EXOSC6: variants seen among roughly 807,000 people sequenced by gnomAD.
EXOSC6 encodes exosome complex component MTR3.
In EXOSC6, 21 loss-of-function variants were observed where a neutral mutation model predicts 16.7. The observed-to-expected ratio is 1.26, with a 90% confidence interval of 0.89 to 1.82. EXOSC6 has a LOEUF of 1.82. Ranked by LOEUF, EXOSC6 falls within the 40% of genes most tolerant of loss-of-function variation. The pLI is 0.00. For missense variants in EXOSC6, 538 were observed against 415.7 expected, an observed-to-expected ratio of 1.29 and a Z score of -2.56; for synonymous variants, 297 against 217.1, an observed-to-expected ratio of 1.37 and a Z score of -3.24.
In EXOSC6 at chr16:70,251,088, C is replaced by CTGGGCGGCGGCGCCCCTGCGG; in HGVS notation, c.792_812dup (p.Ala270_Gln271insHisArgArgGlyAlaAlaAla). 1 of 1,478,746 alleles carries CTGGGCGGCGGCGCCCCTGCGG rather than the reference C, an allele frequency of 6.8e-7. No individual in the cohort carries two copies. Among genetic ancestry groups the CTGGGCGGCGGCGCCCCTGCGG allele is most frequent in the Non-Finnish European group, 8.9e-7 (1 of 1,128,520 alleles). 91.6% of individuals were successfully genotyped at this position (1,478,746 alleles called of 1,614,324 possible). A position where few individuals can be genotyped will look rare whatever the true frequency, so the allele number is the denominator to read the frequency against. On this transcript the variant is annotated inframe_insertion, in exon 1 of 1. Coordinates refer to ENST00000435634, the MANE Select transcript of EXOSC6 (RefSeq NM_058219.3). Reference sequence around the variant, plus strand: ...AGTTGCTCAGGCTTCTGGTTCAGGGCTGGGCGGCGGCGCCCCTGCGGCGGG... The same window carrying CTGGGCGGCGGCGCCCCTGCGG: ...AGTTGCTCAGGCTTCTGGTTCAGGGCTGGGCGGCGGCGCCCCTGCGGTGGGCGGCGGCGCCCCTGCGGCGGG...
rs1405319194 is a variant in EXOSC6 at position 70,249,026 on chromosome 16, A to C, written c.*2056T>G. The C allele has an allele frequency of 5.3e-5, 8 of 149,954 alleles. No individual in the cohort carries two copies. The highest frequency in any genetic ancestry group is 3.9e-4 in the East Asian group (2 of 5,166). The allele number at this position is 149,954 out of a possible 1,614,324, so 9.3% of individuals were successfully genotyped here. A position where few individuals can be genotyped will look rare whatever the true frequency, so the allele number is the denominator to read the frequency against. ...ATATCAAAAACTGTAAAAAAAAAAA[A>C]AAAAAACCCTAATATCAGATATTCC... On this transcript the variant is annotated 3_prime_UTR_variant, in exon 1 of 1. Coordinates refer to ENST00000435634, the MANE Select transcript of EXOSC6 (RefSeq NM_058219.3).
At position 70,251,827 on chromosome 16, in the gene EXOSC6, T is replaced by C; in HGVS notation, c.74A>G (p.Glu25Gly). The part of the protein sequence containing the change: ...QPPQLYAADE[E>G]EAPGTRDPTR... ...TGGGTCGCGGGTGCCGGGCGCCTCC[T>C]CCTCGTCGGCCGCGTACAGCTGCGG... Residue 25 changes from glutamate to glycine, a missense_variant, in exon 1 of 1, where the codon GAG becomes GGG. Glu to Gly is a moderately conservative substitution (Grantham distance 98, BLOSUM62 -2). Coordinates refer to ENST00000435634, the MANE Select transcript of EXOSC6 (RefSeq NM_058219.3). 6.5e-7 allele frequency: 1 copy of C among 1,538,808 alleles called. No homozygotes were observed. Among genetic ancestry groups the C allele is most frequent in the Non-Finnish European group, 8.7e-7 (1 of 1,153,298 alleles).
chr16:70,251,599 C>T lies in EXOSC6; in HGVS notation c.302G>A (p.Arg101His), dbSNP rs1480688486. The T allele has an allele frequency of 2.8e-6, 3 of 1,076,066 alleles. No homozygotes were observed. The highest frequency in any genetic ancestry group is 3.4e-6 in the Non-Finnish European group (3 of 891,366). The allele number at this position is 1,076,066 out of a possible 1,614,324, so 66.7% of individuals were successfully genotyped here. Residue 101 changes from arginine (R) to histidine (H), a missense_variant, in exon 1 of 1, where the codon CGC (arginine) becomes CAC (histidine). Arg to His is a conservative substitution (Grantham distance 29, BLOSUM62 0). Coordinates refer to ENST00000435634, the MANE Select transcript of EXOSC6 (RefSeq NM_058219.3). ...CCGGCGGCCCGCGAAGGGTGCGCGG[C>T]GGAAGTCGCAGAGCAGGCGACCGCG... ...ALRGRLLCDF[R>H]RAPFAGRRRR...
rs1030754738 is a variant in EXOSC6 at position 70,246,931 on chromosome 16, TCA to T, written c.*4149_*4150del. 2 of 563,180 alleles carry T rather than the reference TCA, an allele frequency of 3.6e-6. No homozygotes were observed. Among genetic ancestry groups the T allele is most frequent in the Admixed American group, 2.0e-5 (1 of 51,084 alleles). 34.9% of individuals were successfully genotyped at this position (563,180 alleles called of 1,614,324 possible). On this transcript the variant is annotated 3_prime_UTR_variant, in exon 1 of 1. Transcript: ENST00000435634. ...GTTTTCCATCTGATTCCTCAGTTCC[TCA>T]CACACACAACCATCCCCCTCACCCC...
Position 70,251,477 on chromosome 16 carries a change from C to A in EXOSC6, c.424G>T (p.Ala142Ser). ...PAVRLGRYPR[A>S]QLEVSALLLE... ...AGCAGCGCCGACACCTCGAGCTGCGCGCGCGGGTAGCGGCCCAGGCGCACA... is the reference window on the plus strand; with the variant it reads ...AGCAGCGCCGACACCTCGAGCTGCGAGCGCGGGTAGCGGCCCAGGCGCACA... Residue 142 changes from alanine to serine, a missense_variant, in exon 1 of 1, where the codon GCG (alanine) becomes TCG (serine). Physicochemically the swap from Ala to Ser is moderately conservative, Grantham distance 99 (BLOSUM62 1). Transcript: ENST00000435634. The A allele has an allele frequency of 7.6e-7, 1 of 1,324,450 alleles. No homozygotes were observed. Among genetic ancestry groups the A allele is most frequent in the Non-Finnish European group, 9.7e-7 (1 of 1,035,972 alleles). The allele number at this position is 1,324,450 out of a possible 1,614,324, so 82.0% of individuals were successfully genotyped here.
rs1394008918 is a variant in EXOSC6 at position 70,251,865 on chromosome 16, T to C, written c.36A>G (p.Glu12=). Reference sequence around the variant, plus strand: ...CGTACAGCTGCGGCGGCTGCGATTCTTCAGGGCCGCGGATGCGGCGGTGAT... The same window carrying C: ...CGTACAGCTGCGGCGGCTGCGATTCCTCAGGGCCGCGGATGCGGCGGTGAT... The part of the protein sequence containing the change: ...PGDHRRIRGP[E]ESQPPQLYAA... The change falls in exon 1 of 1, where the codon GAA becomes GAG. Residue 12 remains glutamate, a synonymous_variant. Transcript: ENST00000435634. The C allele has an allele frequency of 1.3e-6, 2 of 1,552,408 alleles. No homozygotes were observed. The highest frequency in any genetic ancestry group is 8.6e-7 in the Non-Finnish European group (1 of 1,159,808).
chr16:70,250,974 C>A lies in EXOSC6; in HGVS notation c.*108G>T. The A allele has an allele frequency of 6.6e-6, 9 of 1,354,144 alleles. No individual in the cohort carries two copies. The highest frequency in any genetic ancestry group is 8.7e-6 in the Non-Finnish European group (9 of 1,037,620). The allele number at this position is 1,354,144 out of a possible 1,614,324, so 83.9% of individuals were successfully genotyped here. ...CAGTCCAACCACAGTCATATCAGGG[C>A]CCTTCCAGGAATTCTCGACGCAAAC... On this transcript the variant is annotated 3_prime_UTR_variant, in exon 1 of 1. Transcript: ENST00000435634.
rs868351357 is a variant in EXOSC6, at chr16:70,251,236, A to G, written c.665T>C (p.Val222Ala). The G allele has an allele frequency of 2.0e-6, 3 of 1,505,326 alleles. No homozygotes were observed. Among genetic ancestry groups the G allele is most frequent in the Middle Eastern group, 3.8e-4 (2 of 5,318 alleles). 93.2% of individuals were successfully genotyped at this position (1,505,326 alleles called of 1,614,324 possible). ...TVALMPVLNQ[V>A]AGLLGSGEGG... ...CTCGCCGCTGCCCAGCAGCCCGGCC[A>G]CCTGATTCAGCACAGGCATGAGCGC... Residue 222 changes from valine to alanine, a missense_variant, in exon 1 of 1, where the codon GTG becomes GCG. Transcript: ENST00000435634.
Position 70,248,449 on chromosome 16 carries a change from T to C in EXOSC6, c.*2633A>G, listed in dbSNP as rs1354246250. ...TATTTTACTGGTGCATCTATCTTTC[T>C]ATGAATGTGAGAATTTTCACAAGAG... On this transcript the variant is annotated 3_prime_UTR_variant, in exon 1 of 1. Coordinates refer to ENST00000435634, the MANE Select transcript of EXOSC6 (RefSeq NM_058219.3). The C allele has an allele frequency of 2.0e-5, 3 of 152,198 alleles. No homozygotes were observed. The highest frequency in any genetic ancestry group is 7.2e-5 in the African/African-American group (3 of 41,448). The allele number at this position is 152,198 out of a possible 1,614,324, so 9.4% of individuals were successfully genotyped here.
In EXOSC6 at chr16:70,248,945, G is replaced by A. The variant is rs1959746419; in HGVS notation, c.*2137C>T. 3 of 137,554 alleles carry A rather than the reference G, an allele frequency of 2.2e-5. No homozygotes were observed. Among genetic ancestry groups the A allele is most frequent in the Non-Finnish European group, 1.5e-5 (1 of 64,584 alleles). 8.5% of individuals were successfully genotyped at this position (137,554 alleles called of 1,614,324 possible). A position where few individuals can be genotyped will look rare whatever the true frequency, so the allele number is the denominator to read the frequency against. ...ATACACTTTTTATTTAAAAAAAAAA[G>A]AGAACACTCCTTATATTTCCTTTAT... On this transcript the variant is annotated 3_prime_UTR_variant, in exon 1 of 1. Transcript: ENST00000435634.
In EXOSC6 at chr16:70,251,837, C is replaced by G. The variant is rs762854436; in HGVS notation, c.64G>C (p.Ala22Pro). Residue 22 changes from alanine (A) to proline (P), a missense_variant, in exon 1 of 1, where the codon GCC becomes CCC. Transcript: ENST00000435634. ...GTGCCGGGCGCCTCCTCCTCGTCGGCCGCGTACAGCTGCGGCGGCTGCGAT... is the reference window on the plus strand; with the variant it reads ...GTGCCGGGCGCCTCCTCCTCGTCGGGCGCGTACAGCTGCGGCGGCTGCGAT... ...EESQPPQLYAADEEEAPGTRD... is the reference protein window; with the variant it reads ...EESQPPQLYAPDEEEAPGTRD... 3 of 1,548,156 alleles carry G rather than the reference C, an allele frequency of 1.9e-6. No individual in the cohort carries two copies. The highest frequency in any genetic ancestry group is 5.1e-5 in the East Asian group (2 of 38,868).
Position 70,251,800 on chromosome 16 carries a change from G to T in EXOSC6, c.101C>A (p.Thr34Lys), listed in dbSNP as rs780172429. Residue 34 changes from threonine (T) to lysine (K), a missense_variant, in exon 1 of 1, where the codon ACG becomes AAG. Coordinates refer to ENST00000435634, the MANE Select transcript of EXOSC6 (RefSeq NM_058219.3). Reference protein sequence around the residue: ...EEEAPGTRDPTRLRPVYARAG... With the variant: ...EEEAPGTRDPKRLRPVYARAG... ...GCGCGCGTACACGGGCCGTAGCCGC[G>T]TTGGGTCGCGGGTGCCGGGCGCCTC... is the stretch of plus-strand genomic sequence containing the variant. 6.6e-7 allele frequency: 1 copy of T among 1,510,894 alleles called. No individual in the cohort carries two copies. The allele number at this position is 1,510,894 out of a possible 1,614,324, so 93.6% of individuals were successfully genotyped here.
In EXOSC6 at chr16:70,251,676, G is replaced by A; in HGVS notation, c.225C>T (p.Gly75=). 8.1e-7 allele frequency: 1 copy of A among 1,237,600 alleles called. No individual in the cohort carries two copies. Among genetic ancestry groups the A allele is most frequent in the Non-Finnish European group, 1.0e-6 (1 of 993,458 alleles). 76.7% of individuals were successfully genotyped at this position (1,237,600 alleles called of 1,614,324 possible). ...AVSGPRQAEG[G]ERGGGPAGAG... is the part of the protein sequence containing the mutation. Reference sequence around the variant, plus strand: ...CTCCGGCCGGGCCGCCGCCGCGCTCGCCGCCCTCGGCCTGTCGCGGGCCCG... The same window carrying A: ...CTCCGGCCGGGCCGCCGCCGCGCTCACCGCCCTCGGCCTGTCGCGGGCCCG... Residue 75 remains glycine (G), a synonymous_variant, in exon 1 of 1, where the codon GGC becomes GGT. Coordinates refer to ENST00000435634, the MANE Select transcript of EXOSC6 (RefSeq NM_058219.3).
In EXOSC6 at chr16:70,248,328, A is replaced by G. The variant is rs1271561789; in HGVS notation, c.*2754T>C. ...GTGTATGGTTTTCAGATGCTCAACA[A>G]AAGTGTGTGAGAAAATAAAACTGGC... On this transcript the variant is annotated 3_prime_UTR_variant, in exon 1 of 1. Transcript: ENST00000435634. 4 of 150,416 alleles carry G rather than the reference A, an allele frequency of 2.7e-5. No homozygotes were observed. Among genetic ancestry groups the G allele is most frequent in the East Asian group, 3.9e-4 (2 of 5,192 alleles). The allele number at this position is 150,416 out of a possible 1,614,324, so 9.3% of individuals were successfully genotyped here.
At position 70,248,398 on chromosome 16, in the gene EXOSC6, AAATT is replaced by A. The variant is rs1185811932; in HGVS notation, c.*2680_*2683del. On this transcript the variant is annotated 3_prime_UTR_variant, in exon 1 of 1. Coordinates refer to ENST00000435634, the MANE Select transcript of EXOSC6 (RefSeq NM_058219.3). ...AATCTAGGTGAAGCATATTATTATG[AAATT>A]ATTATCGTATTTACAGGTATTTATT... The A allele has an allele frequency of 2.6e-5, 4 of 152,160 alleles. No homozygotes were observed. Among genetic ancestry groups the A allele is most frequent in the Non-Finnish European group, 5.9e-5 (4 of 68,040 alleles). 9.4% of individuals were successfully genotyped at this position (152,160 alleles called of 1,614,324 possible).
Position 70,251,746 on chromosome 16 carries a change from G to A in EXOSC6, c.155C>T (p.Ser52Leu), listed in dbSNP as rs1256747442. The A allele has an allele frequency of 5.7e-6, 8 of 1,411,346 alleles. No homozygotes were observed. Among genetic ancestry groups the A allele is most frequent in the Non-Finnish European group, 6.4e-6 (7 of 1,094,072 alleles). The allele number at this position is 1,411,346 out of a possible 1,614,324, so 87.4% of individuals were successfully genotyped here. ...RAGLLSQAKG[S>L]AYLEAGGTKV... The stretch of plus-strand genomic sequence containing the variant: ...GGTGCCTCCCGCCTCCAGGTAGGCC[G>A]AGCCCTTGGCCTGGCTCAGCAGCCC... Residue 52 changes from serine (S) to leucine (L), a missense_variant, in exon 1 of 1, where the codon TCG (serine) becomes TTG (leucine). Transcript: ENST00000435634.
chr16:70,249,846 G>C lies in EXOSC6; in HGVS notation c.*1236C>G, dbSNP rs1567598530. 2 of 152,210 alleles carry C rather than the reference G, an allele frequency of 1.3e-5. No homozygotes were observed. Among genetic ancestry groups the C allele is most frequent in the Non-Finnish European group, 2.9e-5 (2 of 68,074 alleles). The allele number at this position is 152,210 out of a possible 1,614,324, so 9.4% of individuals were successfully genotyped here. On this transcript the variant is annotated 3_prime_UTR_variant, in exon 1 of 1. Coordinates refer to ENST00000435634, the MANE Select transcript of EXOSC6 (RefSeq NM_058219.3). ...GGTGCCTGTAGTCCCAGCTATTCCA[G>C]AGGCTGAGGCAGGAGAATCACTTGA... is the stretch of plus-strand genomic sequence containing the variant.
chr16:70,251,356 C>A lies in EXOSC6; in HGVS notation c.545G>T (p.Gly182Val), dbSNP rs1465461071. 7.2e-7 allele frequency: 1 copy of A among 1,383,072 alleles called. No homozygotes were observed. The allele number at this position is 1,383,072 out of a possible 1,614,324, so 85.7% of individuals were successfully genotyped here. A position where few individuals can be genotyped will look rare whatever the true frequency, so the allele number is the denominator to read the frequency against. ...CCCCGGCGCGAGGCTGAGGCCGCAG[C>A]CCACCACCAGGTCGTACATCTCCAC... ...AGVEMYDLVV[G>V]CGLSLAPGPA... is the part of the protein sequence containing the mutation. The change falls in exon 1 of 1, where the codon GGC becomes GTC. Residue 182 changes from glycine (G) to valine (V), a missense_variant. Coordinates refer to ENST00000435634, the MANE Select transcript of EXOSC6 (RefSeq NM_058219.3).
chr16:70,250,936 C>G lies in EXOSC6; in HGVS notation c.*146G>C. On this transcript the variant is annotated 3_prime_UTR_variant, in exon 1 of 1. Transcript: ENST00000435634. ...CCTGCTCCAGACCAAGTCCCACCAT[C>G]TGGCAGTCAGGTCAGTCCAACCACA... is the stretch of plus-strand genomic sequence containing the variant. 9.6e-7 allele frequency: 1 copy of G among 1,038,424 alleles called. No individual in the cohort carries two copies. Among genetic ancestry groups the G allele is most frequent in the Non-Finnish European group, 1.3e-6 (1 of 772,694 alleles). 64.3% of individuals were successfully genotyped at this position (1,038,424 alleles called of 1,614,324 possible).
Sources: allele counts gnomAD v4.1 joint callset, GRCh38; gene constraint gnomAD v4.1.1; transcripts MANE v1.5; gene names NCBI Gene and HGNC (gene_info 2026-07-23, HGNC 2026-07-21).